The following NELL1 variants were observed in gnomAD, a reference collection of about 807,000 sequenced individuals.
NELL1 encodes protein kinase C-binding protein NELL1.
In NELL1, 76 loss-of-function variants were observed where a neutral mutation model predicts 107.4. The ratio of observed to expected loss-of-function variants is 0.71; its 90% CI spans 0.59 to 0.86. The LOEUF (loss-of-function observed/expected upper bound fraction) is 0.86, where lower values mean the gene tolerates loss of function less well. Among genes scored for constraint, NELL1 ranks in the 40% least tolerant of loss-of-function variants. The pLI is 0.00. For synonymous variants in NELL1, 353 were observed against 341.2 expected (o/e 1.03, Z -0.38); for missense variants, 1,024 against 1,005.5 (o/e 1.02, Z -0.25).
At chr11:21,286,050 C>T (rs1005961461) in intron 14 of NELL1, among the ~76,000 whole-genome samples, 2 of 152,150 alleles carry the variant, frequency 1.3e-5, no homozygotes, top group African/African-American at 4.8e-5. Context: ...ATGTGTGTCT[C>T]GCCTATTACC....
chr11:21,342,335 A>G (rs891571131), intron 14 of NELL1, among the ~76,000 whole-genome samples: 1 of 149,940 alleles, frequency 6.7e-6, no homozygotes, highest in African/African-American at 2.5e-5. Flanking sequence ...TTATCTGTTT[A>G]TAGCAATAGA....
chr11:21,337,836 CTTTTCTTTCTTTCTTT>C, intron 14 of NELL1, among the ~76,000 whole-genome samples: 1 of 51,362 alleles, frequency 1.9e-5, no homozygotes, highest in Non-Finnish European at 4.2e-5. Context: ...TTCTTTCTTT[CTTTTCTTTCTTTCTTT>C]CTTTCTTTCT....
chr11:20,979,651 C>A (rs552640502), intron 12 of NELL1, among the ~76,000 whole-genome samples: 3 of 152,154 alleles, frequency 2.0e-5, no homozygotes, highest in Admixed American at 1.3e-4. Context: ...CTTAAATTCC[C>A]CCTTTGTTGT....
intron 13 of NELL1, among the ~76,000 whole-genome samples, chr11:21,149,513 A>G (rs1347030157): frequency 6.6e-6 from 1 of 152,196 alleles, no homozygotes; most frequent in African/African-American, 2.4e-5. Context: ...AGACTTATTC[A>G]CTACCATGGA....
chr11:20,984,450 A>G (rs1213001533), intron 12 of NELL1, among the ~76,000 whole-genome samples: 1 of 152,202 alleles, frequency 6.6e-6, no homozygotes, highest in Non-Finnish European at 1.5e-5. Flanking sequence ...ATTCTACTGC[A>G]TAGGTTGGAA....
rs1366983764 is a variant in NELL1, at chr11:20,677,924, C to T, written c.56-8C>T. 1 of 1,613,808 alleles carries T rather than the reference C, an allele frequency of 6.2e-7. No individual in the cohort carries two copies. The highest frequency in any genetic ancestry group is 8.5e-7 in the Non-Finnish European group (1 of 1,179,848). On this transcript the variant is annotated splice_region_variant and splice_polypyrimidine_tract_variant and intron_variant, in intron 1 of 19. Transcript: ENST00000357134. ...TTTAAGCCCAAACAACTCTTTGTTCCTTTCCAGTGGTGGGCTTTGGGATGG... is the reference window on the plus strand; with the variant it reads ...TTTAAGCCCAAACAACTCTTTGTTCTTTTCCAGTGGTGGGCTTTGGGATGG...
At chr11:21,533,259 G>A (rs1856040712) in intron 15 of NELL1, among the ~76,000 whole-genome samples, 1 of 152,110 alleles carries the variant, frequency 6.6e-6, no homozygotes, top group South Asian at 2.1e-4. Flanking sequence ...CACAACATGG[G>A]ACTTGTCAAG....
intron 2 of NELL1, among the ~76,000 whole-genome samples, chr11:20,719,364 C>T (rs1855323625): frequency 6.6e-6 from 1 of 152,070 alleles, no homozygotes; most frequent in Non-Finnish European, 1.5e-5. Context: ...ATCTGCTTCT[C>T]ATATTAAATA....
Position 21,516,828 on chromosome 11 carries a change from G to A in NELL1, c.1646-17546G>A, listed in dbSNP as rs532988604. ...ATTGGTATTTTTTTTTTTTTGAGACGGAGTCTCGCTCTGTTGCCCAGGCTG... is the reference window on the plus strand; with the variant it reads ...ATTGGTATTTTTTTTTTTTTGAGACAGAGTCTCGCTCTGTTGCCCAGGCTG... On this transcript the variant is annotated intron_variant, in intron 15 of 19. Transcript: ENST00000357134. Among the ~76,000 whole-genome samples, 12 of 149,274 alleles carry A rather than the reference G, an allele frequency of 8.0e-5. No individual in the cohort carries two copies. The South Asian group carries it at 2.1e-3, about 26-fold the overall frequency.
chr11:20,944,540 C>A (rs1440325265), intron 10 of NELL1, among the ~76,000 whole-genome samples: 2 of 152,116 alleles, frequency 1.3e-5, no homozygotes, highest in Non-Finnish European at 2.9e-5. Context: ...TGGAGAAAGC[C>A]ACTCTAAATG....
In NELL1 at chr11:20,919,195, T is replaced by G. The variant is rs1850324271; in HGVS notation, c.677-57T>G. On this transcript the variant is annotated intron_variant, in intron 6 of 19. Transcript: ENST00000357134. ...AGTCACGTATCTACTGTTTTAAAATTTTATTTCTTATATTAGCACAATATA... is the reference window on the plus strand; with the variant it reads ...AGTCACGTATCTACTGTTTTAAAATGTTATTTCTTATATTAGCACAATATA... 1.7e-5 allele frequency: 19 copies of G among 1,140,034 alleles called. 1 individual carries two copies. The South Asian group carries it at 3.0e-4, about 18-fold the overall frequency. 70.6% of individuals were successfully genotyped at this position (1,140,034 alleles called of 1,614,324 possible). A position where few individuals can be genotyped will look rare whatever the true frequency, so the allele number is the denominator to read the frequency against.
At chr11:21,502,009 C>G (rs1047922990) in intron 15 of NELL1, among the ~76,000 whole-genome samples, 4 of 152,092 alleles carry the variant, frequency 2.6e-5, no homozygotes, top group African/African-American at 9.7e-5. Context: ...ATCCTCTGTC[C>G]TTGCTCATAT....
chr11:20,774,282 T>C lies in NELL1; in HGVS notation c.185-9398T>C, dbSNP rs530101119. Among the ~76,000 whole-genome samples, 650 of 143,558 alleles carry C rather than the reference T, an allele frequency of 4.5e-3. 5 individuals carry two copies. Among genetic ancestry groups the C allele is most frequent in the Middle Eastern group, 0.01 (3 of 288 alleles). The allele number at this position is 143,558 out of a possible 152,430, so 94.2% of individuals were successfully genotyped here. ...TCTTCTCTTCTCTCCTTCCTTTCTTTCCCTTCCTTCCTTTTTTCCTCCCTC... is the reference window on the plus strand; with the variant it reads ...TCTTCTCTTCTCTCCTTCCTTTCTTCCCCTTCCTTCCTTTTTTCCTCCCTC... On this transcript the variant is annotated intron_variant, in intron 2 of 19. Coordinates refer to ENST00000357134, the MANE Select transcript of NELL1 (RefSeq NM_006157.5).
At chr11:21,362,199 T>G (rs1851091738) in intron 14 of NELL1, among the ~76,000 whole-genome samples, 1 of 152,214 alleles carries the variant, frequency 6.6e-6, no homozygotes, top group Non-Finnish European at 1.5e-5. Flanking sequence ...CCTGATATAA[T>G]GCTCTCCCAC....
intron 13 of NELL1, among the ~76,000 whole-genome samples, chr11:21,127,623 AGAG>A (rs1327884429): frequency 6.7e-6 from 1 of 150,350 alleles, no homozygotes; most frequent in Non-Finnish European, 1.5e-5. Flanking sequence ...AGGAAGAAGA[AGAG>A]GAGGAAGAGG....
intron 15 of NELL1, among the ~76,000 whole-genome samples, chr11:21,428,611 CA>C (rs1852890584): frequency 6.6e-6 from 1 of 152,106 alleles, no homozygotes; most frequent in South Asian, 2.1e-4. Flanking sequence ...ACAAGGTTTT[CA>C]TTTTTATAGC....
intron 13 of NELL1, among the ~76,000 whole-genome samples, chr11:21,186,602 G>A (rs1856941002): frequency 6.6e-6 from 1 of 151,796 alleles, no homozygotes; most frequent in Non-Finnish European, 1.5e-5. Context: ...ACAGTTTTGT[G>A]TCTTGACATA....
intron 12 of NELL1, among the ~76,000 whole-genome samples, chr11:21,008,394 C>T (rs1037613369): frequency 2.0e-5 from 3 of 152,028 alleles, no homozygotes; most frequent in Admixed American, 6.6e-5. Flanking sequence ...AGTATTTTGT[C>T]TGCATGATTC....
At chr11:20,996,350 G>A (rs538958639) in intron 12 of NELL1, among the ~76,000 whole-genome samples, 2 of 152,284 alleles carry the variant, frequency 1.3e-5, no homozygotes, top group African/African-American at 2.4e-5. Context: ...CAGTCTTTGG[G>A]TGATAGTCTT....
Sources: gnomAD v4.1 joint callset for allele counts (sites outside exome capture counted in the v4.1 genomes callset) on GRCh38, gnomAD v4.1.1 for gene constraint, MANE v1.5 for transcripts, NCBI Gene and HGNC (gene_info 2026-07-23, HGNC 2026-07-21) for gene names.